The following ODR4 variants were observed in gnomAD, a reference collection of about 807,000 sequenced individuals.
The protein encoded by ODR4 is odr-4 GPCR localization factor homolog.
A neutral mutation model predicts 60.2 loss-of-function variants in ODR4; 47 were observed. The observed-to-expected ratio is 0.78, with a 90% CI of 0.62 to 1.00. ODR4 has a LOEUF of 1.00. ODR4 is among the 50% of genes least tolerant of loss of function. The pLI, the probability that ODR4 is intolerant of heterozygous loss-of-function variation, is 0.00. For synonymous variants in ODR4, 178 were observed against 175.5 expected (o/e 1.01, Z -0.11); for missense variants, 488 against 530.8 (o/e 0.92, Z 0.79).
At chr1:186,394,040 A>G in intron 9 of ODR4, 25 bp downstream of exon 9, 1 of 1,193,276 alleles carries the variant, frequency 8.4e-7, no homozygotes, top group Non-Finnish European at 1.2e-6. Context: ...ATAACACTTA[A>G]AATATTTATT....
At chr1:186,401,448 T>C (rs568348215) in intron 11 of ODR4, 3 of 268,802 alleles carry the variant, frequency 1.1e-5, no homozygotes, top group East Asian at 1.1e-4. Flanking sequence ...CAAATGACTT[T>C]ATAGGCATCG....
chr1:186,381,157 T>G (rs1660002895), intron 2 of ODR4, among the ~76,000 whole-genome samples: 1 of 152,198 alleles, frequency 6.6e-6, no homozygotes, highest in Non-Finnish European at 1.5e-5. Flanking sequence ...TTCTTTCTCT[T>G]TGTTTAAAAC....
intron 7 of ODR4, among the ~76,000 whole-genome samples, chr1:186,391,331 A>G (rs966517865): frequency 2.3e-5 from 3 of 129,852 alleles, no homozygotes; most frequent in Non-Finnish European, 4.8e-5. Flanking sequence ...TTCCCATTGA[A>G]GATGTCAAAT....
At chr1:186,401,850 GT>G (rs1660969753) in intron 11 of ODR4, among the ~76,000 whole-genome samples, 1 of 151,936 alleles carries the variant, frequency 6.6e-6, no homozygotes, top group African/African-American at 2.4e-5. Flanking sequence ...TGGTATTAAG[GT>G]TATGCTGATC....
At chr1:186,398,002 T>C (rs1174058375) in intron 9 of ODR4, among the ~76,000 whole-genome samples, 2 of 152,180 alleles carry the variant, frequency 1.3e-5, no homozygotes, top group African/African-American at 4.8e-5. Flanking sequence ...AGTACTGATG[T>C]GAATAATTTG....
At chr1:186,392,698 A>G (rs558812894) in intron 8 of ODR4, among the ~76,000 whole-genome samples, 36 of 146,244 alleles carry the variant, frequency 2.5e-4, no homozygotes, top group African/African-American at 9.1e-4. Context: ...GGTGCCTGTA[A>G]TTGCAGCTAC....
Position 186,420,788 on chromosome 1 carries a change from G to A in ODR4, c.*1712G>A, listed in dbSNP as rs770022733. ...TTCGAGGGAAGAATTATAAAGACTAGGAGTCCTAGAAAGAGAAAATTTAGA... is the reference window on the plus strand; with the variant it reads ...TTCGAGGGAAGAATTATAAAGACTAAGAGTCCTAGAAAGAGAAAATTTAGA... On this transcript the variant is annotated 3_prime_UTR_variant, in exon 14 of 14. Transcript: ENST00000287859. The A allele has an allele frequency of 6.6e-6, 1 of 152,100 alleles. No homozygotes were observed. The highest frequency in any genetic ancestry group is 2.1e-4 in the South Asian group (1 of 4,832). The allele number at this position is 152,100 out of a possible 1,614,324, so 9.4% of individuals were successfully genotyped here.
intron 9 of ODR4, among the ~76,000 whole-genome samples, chr1:186,397,620 C>T (rs889196322): frequency 2.6e-5 from 4 of 152,274 alleles, no homozygotes; most frequent in African/African-American, 9.6e-5. Flanking sequence ...CTTTGAACAT[C>T]ACATTGGTGC....
chr1:186,388,620 A>G (rs1283879351), intron 5 of ODR4, 72 bp downstream of exon 5: 15 of 849,314 alleles, frequency 1.8e-5, no homozygotes, highest in South Asian at 6.7e-5. Flanking sequence ...TTTTTTTGCT[A>G]TTTATTTAAA....
At chr1:186,423,432 C>T (rs1235405683), downstream of ODR4, among the ~76,000 whole-genome samples, 2 of 142,068 alleles carry the variant, frequency 1.4e-5, no homozygotes, top group African/African-American at 2.6e-5. Flanking sequence ...CTATTATCAC[C>T]ACTACTTGTG....
In ODR4 at chr1:186,384,469, A is replaced by G. The variant is rs566694382; in HGVS notation, c.234+1313A>G. ...GTTTAAGGGGACAAACATGGCAACT[A>G]TCTTCTAAAGAAAATATTAAGTAAT... On this transcript the variant is annotated intron_variant, in intron 3 of 13. Coordinates refer to ENST00000287859, the MANE Select transcript of ODR4 (RefSeq NM_017847.6). Among the ~76,000 whole-genome samples the G allele has an allele frequency of 1.7e-4, 26 of 152,184 alleles. 1 individual carries two copies. The highest frequency in any genetic ancestry group is 1.3e-3 in the Admixed American group (20 of 15,284).
chr1:186,402,020 AT>A (rs995217637), intron 11 of ODR4, among the ~76,000 whole-genome samples: 1 of 151,696 alleles, frequency 6.6e-6, no homozygotes, highest in Non-Finnish European at 1.5e-5. Flanking sequence ...TTCAATCGTG[AT>A]TTTTTATCAG....
intron 2 of ODR4, among the ~76,000 whole-genome samples, chr1:186,380,393 G>C (rs1368927093): frequency 2.0e-5 from 3 of 151,994 alleles, no homozygotes; most frequent in Admixed American, 2.0e-4. Context: ...CAATAGGGAG[G>C]GAGAGGGATT....
chr1:186,381,807 C>A (rs1371442569), intron 2 of ODR4, among the ~76,000 whole-genome samples: 3 of 152,066 alleles, frequency 2.0e-5, no homozygotes, highest in Admixed American at 6.5e-5. Context: ...CAAAGTTATA[C>A]ATTTTATGAA....
chr1:186,421,565 C>T (rs1661777162), downstream of ODR4, among the ~76,000 whole-genome samples: 1 of 151,922 alleles, frequency 6.6e-6, no homozygotes, highest in African/African-American at 2.4e-5. Flanking sequence ...GTAACTGCCA[C>T]AACAATAGAT....
chr1:186,380,897 A>G (rs2102013722), intron 2 of ODR4, among the ~76,000 whole-genome samples: 1 of 152,330 alleles, frequency 6.6e-6, no homozygotes, highest in East Asian at 1.9e-4. Context: ...AGTTTTCTAC[A>G]TCATTCTGAA....
intron 12 of ODR4, among the ~76,000 whole-genome samples, chr1:186,417,124 G>C (rs1191676517): frequency 6.6e-6 from 1 of 151,798 alleles, no homozygotes; most frequent in Non-Finnish European, 1.5e-5. Context: ...CACCATGCCC[G>C]TCTAATTTTT....
At chr1:186,391,638 G>A in intron 7 of ODR4, 58 bp from the exon 8 acceptor site, 1 of 1,037,766 alleles carries the variant, frequency 9.6e-7, no homozygotes. Flanking sequence ...TAGATTATAG[G>A]AAGTTTAATT....
intron 8 of ODR4, 102 bp downstream of exon 8, chr1:186,391,893 A>G (rs2102038390): frequency 1.4e-6 from 1 of 699,720 alleles, no homozygotes; most frequent in South Asian, 1.8e-5. Context: ...GATTTCATCT[A>G]CCTCTCATTT....
Sources: allele counts gnomAD v4.1 joint callset (sites outside exome capture counted in the v4.1 genomes callset), GRCh38; gene constraint gnomAD v4.1.1; transcripts MANE v1.5; gene names NCBI Gene and HGNC (gene_info 2026-07-23, HGNC 2026-07-21).